The following CPNE4 variants were observed in gnomAD, a reference collection of about 807,000 sequenced individuals.
CPNE4 encodes copine-4.
In CPNE4, 25 loss-of-function variants were observed where a neutral mutation model predicts 67.9. That is an observed-to-expected ratio of 0.37 (90% CI 0.27 to 0.51). CPNE4 has a LOEUF of 0.51. CPNE4 is among the 20% of genes least tolerant of loss of function. The pLI is 0.93. For synonymous variants in CPNE4, 242 were observed against 244.9 expected (o/e 0.99, Z 0.11); for missense variants, 464 against 690.8 (o/e 0.67, Z 3.68).
At chr3:131,882,330 T>C (rs1341255188) in intron 2 of CPNE4, among the ~76,000 whole-genome samples, 1 of 152,188 alleles carries the variant, frequency 6.6e-6, no homozygotes, top group East Asian at 1.9e-4. Flanking sequence ...TTAGAATCAT[T>C]TAAGTGAGCT....
intron 1 of CPNE4, among the ~76,000 whole-genome samples, chr3:132,029,118 T>C (rs537269707): frequency 7.9e-5 from 12 of 152,234 alleles, no homozygotes; most frequent in African/African-American, 2.9e-4. Flanking sequence ...TTGAAAACTG[T>C]AGCCCAAATT....
intron 14 of CPNE4, among the ~76,000 whole-genome samples, chr3:131,543,515 G>A (rs1329893741): frequency 2.0e-5 from 3 of 152,100 alleles, no homozygotes; most frequent in Admixed American, 1.3e-4. Flanking sequence ...TTGACATGCT[G>A]TAAGTATAAA....
At chr3:131,973,080 G>A (rs769178994) in intron 1 of CPNE4, among the ~76,000 whole-genome samples, 4 of 152,162 alleles carry the variant, frequency 2.6e-5, no homozygotes, top group Non-Finnish European at 4.4e-5. Flanking sequence ...CCAACTGGTT[G>A]TAACAGCAGA....
chr3:131,972,073 C>T (rs2072518351), intron 1 of CPNE4, among the ~76,000 whole-genome samples: 1 of 151,728 alleles, frequency 6.6e-6, no homozygotes, highest in Non-Finnish European at 1.5e-5. Context: ...AACTGAGTGT[C>T]AGGATTAGGA....
At chr3:132,022,967 G>A (rs762707012) in intron 1 of CPNE4, among the ~76,000 whole-genome samples, 5 of 152,118 alleles carry the variant, frequency 3.3e-5, no homozygotes, top group African/African-American at 4.8e-5. Flanking sequence ...TGTCAGCTCC[G>A]ATTCAGTTGA....
At chr3:131,923,092 A>G (rs2070785924) in intron 1 of CPNE4, among the ~76,000 whole-genome samples, 1 of 152,184 alleles carries the variant, frequency 6.6e-6, no homozygotes, top group Admixed American at 6.5e-5. Context: ...ACTCTTTGGC[A>G]AGTTCTGTAA....
chr3:131,926,844 T>C lies in CPNE4; in HGVS notation c.-1-21400A>G, dbSNP rs545110342. Among the ~76,000 whole-genome samples, 7 of 152,220 alleles carry C rather than the reference T, an allele frequency of 4.6e-5. No individual in the cohort carries two copies. In the East Asian group the frequency reaches 1.4e-3, roughly 29 times the overall value. The stretch of plus-strand genomic sequence containing the variant: ...GAGTCAAGTCTTGAAGGATGGGTTG[T>C]AGTTTTAAAGCAGGCAATAGAAAGA... On this transcript the variant is annotated intron_variant, in intron 1 of 15. Coordinates refer to ENST00000429747, the MANE Select transcript of CPNE4 (RefSeq NM_130808.3).
intron 2 of CPNE4, among the ~76,000 whole-genome samples, chr3:131,737,478 A>G (rs1195389416): frequency 6.6e-6 from 1 of 152,114 alleles, no homozygotes; most frequent in Non-Finnish European, 1.5e-5. Context: ...ACTATTAGTG[A>G]GTGGAGTCAA....
At chr3:131,891,930 T>C (rs1004881580) in intron 2 of CPNE4, among the ~76,000 whole-genome samples, 1 of 152,078 alleles carries the variant, frequency 6.6e-6, no homozygotes, top group Non-Finnish European at 1.5e-5. Flanking sequence ...AATAAACAAC[T>C]ACTTTTCAAC....
intron 2 of CPNE4, among the ~76,000 whole-genome samples, chr3:131,881,202 C>T (rs2087660843): frequency 6.6e-6 from 1 of 152,194 alleles, no homozygotes; most frequent in Non-Finnish European, 1.5e-5. Context: ...AATAACCAAA[C>T]ATCTCCCTAT....
At chr3:132,001,550 A>G (rs1919997) in intron 1 of CPNE4, among the ~76,000 whole-genome samples, 92,929 of 127,220 alleles carry the variant, frequency 0.73, 34,890 homozygotes, top group Middle Eastern at 0.82. Context: ...GACAAAGAAA[A>G]AAGAGAAAGA....
intron 3 of CPNE4, among the ~76,000 whole-genome samples, chr3:131,714,322 A>G (rs1490870087): frequency 6.6e-6 from 1 of 152,116 alleles, no homozygotes; most frequent in African/African-American, 2.4e-5. Context: ...TAATCCTAAC[A>G]TTCACTTATG....
chr3:131,751,674 A>T (rs1215386572), intron 2 of CPNE4, among the ~76,000 whole-genome samples: 3 of 151,712 alleles, frequency 2.0e-5, no homozygotes, highest in African/African-American at 7.3e-5. Context: ...GTTTGAGATA[A>T]TCCTGGCTTT....
chr3:131,980,993 C>G (rs2107636602), intron 1 of CPNE4, among the ~76,000 whole-genome samples: 1 of 152,192 alleles, frequency 6.6e-6, no homozygotes, highest in East Asian at 1.9e-4. Context: ...CAAGTCTACC[C>G]AGTTTTGAGC....
intron 1 of CPNE4, among the ~76,000 whole-genome samples, chr3:131,967,606 G>A (rs1027101073): frequency 1.3e-5 from 2 of 152,100 alleles, no homozygotes. Context: ...CAAATCATGA[G>A]TGAACTCCCA....
At chr3:131,879,112 AAGGGTG>A (rs2087567563) in intron 2 of CPNE4, among the ~76,000 whole-genome samples, 1 of 151,894 alleles carries the variant, frequency 6.6e-6, no homozygotes, top group Non-Finnish European at 1.5e-5. Context: ...AAAAGTGCAT[AAGGGTG>A]TGTGTGTGTG....
intron 2 of CPNE4, among the ~76,000 whole-genome samples, chr3:131,886,177 G>A (rs2087883106): frequency 6.6e-6 from 1 of 152,212 alleles, no homozygotes; most frequent in African/African-American, 2.4e-5. Context: ...GTGCAGCCTA[G>A]GGACTTCGTG....
At chr3:131,780,431 T>C (rs2083403283) in intron 2 of CPNE4, among the ~76,000 whole-genome samples, 1 of 152,122 alleles carries the variant, frequency 6.6e-6, no homozygotes, top group African/African-American at 2.4e-5. Flanking sequence ...TCAATCTATA[T>C]GCCCATCAGT....
At chr3:131,784,106 C>T (rs527361793) in intron 2 of CPNE4, among the ~76,000 whole-genome samples, 2 of 152,162 alleles carry the variant, frequency 1.3e-5, no homozygotes, top group Non-Finnish European at 2.9e-5. Context: ...ATTTAATAAA[C>T]AATGTCATAG....
Sources: allele counts gnomAD v4.1 joint callset (sites outside exome capture counted in the v4.1 genomes callset), GRCh38; gene constraint gnomAD v4.1.1; transcripts MANE v1.5; gene names NCBI Gene and HGNC (gene_info 2026-07-23, HGNC 2026-07-21).